The following AQP11 variants were observed in gnomAD, a reference collection of about 807,000 sequenced individuals.
AQP11 encodes aquaporin 11, also known as aquaporin-11.
In AQP11, 20 loss-of-function variants were observed where a neutral mutation model predicts 21.1. That is an observed-to-expected ratio of 0.95 (90% CI 0.67 to 1.38). The LOEUF (loss-of-function observed/expected upper bound fraction) is 1.38, where lower values mean the gene tolerates loss of function less well. Among genes scored for constraint, AQP11 ranks in the 40% most tolerant of loss-of-function variants. The probability of loss-of-function intolerance (pLI) is 0.00; values close to 1 mark genes in which losing one functional copy is unlikely to be tolerated. For missense variants in AQP11, 339 were observed against 340.4 expected (o/e 1.00, Z 0.03); for synonymous variants, 167 against 150.1 (o/e 1.11, Z -0.82).
intron 1 of AQP11, among the ~76,000 whole-genome samples, chr11:77,596,770 A>G (rs945490324): frequency 6.6e-6 from 1 of 151,280 alleles, no homozygotes; most frequent in African/African-American, 2.4e-5. Context: ...TGAGACAGTA[A>G]GACTGCTTGA....
At chr11:77,597,870 CAGCCTCCCGAGT>C (rs938544461) in intron 1 of AQP11, among the ~76,000 whole-genome samples, 12 of 152,072 alleles carry the variant, frequency 7.9e-5, no homozygotes, top group African/African-American at 2.2e-4. Context: ...TCTCCTGCCT[CAGCCTCCCGAGT>C]AGCTGGGATC....
At chr11:77,600,572 C>T (rs1043698261) in intron 1 of AQP11, among the ~76,000 whole-genome samples, 9 of 152,204 alleles carry the variant, frequency 5.9e-5, no homozygotes, top group Non-Finnish European at 1.3e-4. Context: ...TTCAACGATA[C>T]ATCTTGTATA....
chr11:77,609,493 G>C lies in AQP11; in HGVS notation c.*116G>C. The C allele has an allele frequency of 1.3e-6, 1 of 750,222 alleles. No homozygotes were observed. Among genetic ancestry groups the C allele is most frequent in the Non-Finnish European group, 2.1e-6 (1 of 487,216 alleles). The allele number at this position is 750,222 out of a possible 1,614,324, so 46.5% of individuals were successfully genotyped here. A position where few individuals can be genotyped will look rare whatever the true frequency, so the allele number is the denominator to read the frequency against. On this transcript the variant is annotated 3_prime_UTR_variant, in exon 3 of 3. Coordinates refer to ENST00000313578, the MANE Select transcript of AQP11 (RefSeq NM_173039.3). ...GGATTCATCAGTGTTAACTTCCTTT[G>C]AGGAAGCTGCCTTATAGTTTTCATC...
intron 1 of AQP11, among the ~76,000 whole-genome samples, chr11:77,592,901 C>A (rs1430815399): frequency 6.6e-6 from 1 of 152,192 alleles, no homozygotes; most frequent in East Asian, 1.9e-4. Flanking sequence ...AGATTAAAAT[C>A]CAATTGCTCT....
At chr11:77,600,737 G>A (rs1290942262) in intron 1 of AQP11, among the ~76,000 whole-genome samples, 3 of 152,216 alleles carry the variant, frequency 2.0e-5, no homozygotes, top group Non-Finnish European at 4.4e-5. Flanking sequence ...GTAGGGCCGG[G>A]TGCGGTGGCT....
intron 1 of AQP11, 148 bp from the exon 2 acceptor site, chr11:77,603,408 G>C: frequency 1.7e-6 from 1 of 581,382 alleles, no homozygotes; most frequent in South Asian, 2.8e-5. Flanking sequence ...TATGATTATA[G>C]TCTAAAATAT....
intron 1 of AQP11, among the ~76,000 whole-genome samples, chr11:77,594,487 A>G (rs972899646): frequency 6.6e-6 from 1 of 152,154 alleles, no homozygotes; most frequent in African/African-American, 2.4e-5. Flanking sequence ...TTTATTTTCT[A>G]TGGCTATAAG....
At chr11:77,608,331 A>G (rs1054033902) in intron 2 of AQP11, among the ~76,000 whole-genome samples, 1 of 152,314 alleles carries the variant, frequency 6.6e-6, no homozygotes. Context: ...TGAATTTTCA[A>G]AACATTTTGG....
At chr11:77,593,973 C>T (rs1367287161) in intron 1 of AQP11, among the ~76,000 whole-genome samples, 1 of 152,174 alleles carries the variant, frequency 6.6e-6, no homozygotes, top group Non-Finnish European at 1.5e-5. Context: ...AAGACAAATA[C>T]TGTATGGCTC....
At chr11:77,594,038 G>T (rs1958764435) in intron 1 of AQP11, among the ~76,000 whole-genome samples, 1 of 152,164 alleles carries the variant, frequency 6.6e-6, no homozygotes, top group Admixed American at 6.6e-5. Context: ...AAGTAGAATA[G>T]AGTTACCAGG....
chr11:77,590,234 T>C lies in AQP11; in HGVS notation c.242T>C (p.Leu81Pro). ...GCGCACCCCACCTGGACGCTGACGCTCGTCTACTTCTTCTCGCTTGTGCAT... is the reference window on the plus strand; with the variant it reads ...GCGCACCCCACCTGGACGCTGACGCCCGTCTACTTCTTCTCGCTTGTGCAT... ...HPAHPTWTLT[L>P]VYFFSLVHGL... The change falls in exon 1 of 3, where the codon CTC becomes CCC. Residue 81 changes from leucine to proline, a missense_variant. Physicochemically the swap from Leu to Pro is moderately conservative, Grantham distance 98. Coordinates refer to ENST00000313578, the MANE Select transcript of AQP11 (RefSeq NM_173039.3). 1 of 1,595,458 alleles carries C rather than the reference T, an allele frequency of 6.3e-7. No individual in the cohort carries two copies. The highest frequency in any genetic ancestry group is 8.5e-7 in the Non-Finnish European group (1 of 1,170,506).
intron 2 of AQP11, among the ~76,000 whole-genome samples, chr11:77,606,904 C>T (rs1958849891): frequency 6.6e-6 from 1 of 152,156 alleles, no homozygotes; most frequent in Non-Finnish European, 1.5e-5. Flanking sequence ...TGAGATCAAA[C>T]ATTTTCGAAT....
chr11:77,591,881 A>C (rs1390883845), intron 1 of AQP11, among the ~76,000 whole-genome samples: 5 of 152,066 alleles, frequency 3.3e-5, no homozygotes, highest in Non-Finnish European at 7.4e-5. Context: ...TCTCAAAAAA[A>C]AGAAAGAAAG....
rs566320377 is a variant in AQP11 at position 77,604,755 on chromosome 11, C to T, written c.736+1083C>T. Among the ~76,000 whole-genome samples the T allele has an allele frequency of 3.9e-5, 6 of 152,200 alleles. No individual in the cohort carries two copies. In the South Asian group the frequency reaches 1.2e-3, roughly 32 times the overall value. On this transcript the variant is annotated intron_variant, in intron 2 of 2. Transcript: ENST00000313578. Reference sequence around the variant, plus strand: ...TTATGCTCAATATCATATTGTTATGCTCAATATTGTTATGCTCAATAATAT... The same window carrying T: ...TTATGCTCAATATCATATTGTTATGTTCAATATTGTTATGCTCAATAATAT...
intron 1 of AQP11, among the ~76,000 whole-genome samples, chr11:77,602,562 C>T (rs1337801528): frequency 1.3e-5 from 2 of 152,132 alleles, no homozygotes; most frequent in East Asian, 1.9e-4. Context: ...GAGGCTGGTA[C>T]ACTAGAAAAA....
intron 1 of AQP11, among the ~76,000 whole-genome samples, chr11:77,599,866 ATGAGCCATC>A (rs1439914670): frequency 2.6e-5 from 4 of 151,690 alleles, no homozygotes; most frequent in African/African-American, 9.7e-5. Context: ...GATTACAGGA[ATGAGCCATC>A]AAACCCAGGC....
chr11:77,591,430 C>G, intron 1 of AQP11: 3 of 617,792 alleles, frequency 4.9e-6, no homozygotes, highest in Non-Finnish European at 6.1e-6. Context: ...GGGACTACAT[C>G]TAAATTATAA....
chr11:77,593,477 A>C (rs1048461967), intron 1 of AQP11, among the ~76,000 whole-genome samples: 7 of 152,204 alleles, frequency 4.6e-5, no homozygotes, highest in African/African-American at 1.7e-4. Flanking sequence ...CTACTAAAAA[A>C]TACAAAAAAA....
chr11:77,602,882 TC>T (rs1230320244), intron 1 of AQP11, among the ~76,000 whole-genome samples: 1 of 152,218 alleles, frequency 6.6e-6, no homozygotes, highest in Non-Finnish European at 1.5e-5. Flanking sequence ...AAGACACAGC[TC>T]TGTGGAGTAC....
Sources: gnomAD v4.1 joint callset for allele counts (sites outside exome capture counted in the v4.1 genomes callset) on GRCh38, gnomAD v4.1.1 for gene constraint, MANE v1.5 for transcripts, NCBI Gene and HGNC (gene_info 2026-07-23, HGNC 2026-07-21) for gene names.